The following FRYL variants were observed in gnomAD, a reference collection of about 807,000 sequenced individuals.
The protein encoded by FRYL is FRY like transcription coactivator, also known as protein furry homolog-like.
Under a neutral mutation model 351.2 loss-of-function variants are expected in FRYL, and 150 were observed. The ratio of observed to expected loss-of-function variants is 0.43; its 90% confidence interval spans 0.37 to 0.49. The LOEUF is 0.49. FRYL is among the 20% of genes least tolerant of loss of function. The pLI is 0.00. For synonymous variants in FRYL, 1,153 were observed against 1,257.1 expected (o/e 0.92, Z 1.75); for missense variants, 3,036 against 3,619.3 (o/e 0.84, Z 4.13).
chr4:48,737,054 C>T (rs1280326076), intron 1 of FRYL, among the ~76,000 whole-genome samples: 2 of 151,264 alleles, frequency 1.3e-5, no homozygotes, highest in African/African-American at 2.4e-5. Context: ...CTGAGGCAGG[C>T]GGATCATCTG....
chr4:48,581,577 G>T lies in FRYL; in HGVS notation c.2015C>A (p.Pro672His), dbSNP rs1472648074. ...QHGVANGASH[P>H]PPLERSPYSN... ...ATATGGGCTCCTTTCCAGAGGAGGG[G>T]GATGAGAAGCTCCATTAGCTACACC... is the stretch of plus-strand genomic sequence containing the variant. Residue 672 changes from proline to histidine, a missense_variant, in exon 21 of 64, where the codon CCC (proline) becomes CAC (histidine). Coordinates refer to ENST00000358350, the MANE Select transcript of FRYL (RefSeq NM_015030.2). 22 of 1,609,604 alleles carry T rather than the reference G, an allele frequency of 1.4e-5. No homozygotes were observed. Among genetic ancestry groups the T allele is most frequent in the Non-Finnish European group, 1.9e-5 (22 of 1,178,106 alleles).
intron 45 of FRYL, among the ~76,000 whole-genome samples, chr4:48,541,461 G>A (rs1195341614): frequency 6.6e-6 from 1 of 152,144 alleles, no homozygotes; most frequent in East Asian, 1.9e-4. Context: ...AGGAATATTA[G>A]ACAAGTCTTT....
intron 55 of FRYL, among the ~76,000 whole-genome samples, chr4:48,516,443 T>C (rs1723624783): frequency 6.6e-6 from 1 of 152,218 alleles, no homozygotes; most frequent in East Asian, 1.9e-4. Context: ...ATTGGTTTAA[T>C]CAATTTGAAA....
At chr4:48,523,164 G>A in intron 53 of FRYL, 60 bp from the exon 54 acceptor site, 1 of 1,128,716 alleles carries the variant, frequency 8.9e-7, no homozygotes, top group Admixed American at 2.0e-5. Flanking sequence ...TGTACTAAAT[G>A]TAATATACCA....
intron 1 of FRYL, among the ~76,000 whole-genome samples, chr4:48,731,277 A>G (rs932134429): frequency 6.6e-6 from 1 of 152,228 alleles, no homozygotes; most frequent in Non-Finnish European, 1.5e-5. Flanking sequence ...ATAATGGGAA[A>G]TAAGAGAGGA....
At chr4:48,620,547 A>C in intron 6 of FRYL, 92 bp downstream of exon 6, 1 of 1,312,156 alleles carries the variant, frequency 7.6e-7, no homozygotes, top group Non-Finnish European at 1.1e-6. Flanking sequence ...TTTGCTTAGG[A>C]ATCAAACAAT....
intron 2 of FRYL, among the ~76,000 whole-genome samples, chr4:48,701,212 A>T (rs1560878742): frequency 1.3e-5 from 2 of 152,202 alleles, no homozygotes; most frequent in Admixed American, 1.3e-4. Flanking sequence ...CAACTCTTTT[A>T]TTGCATCAAT....
intron 1 of FRYL, among the ~76,000 whole-genome samples, chr4:48,742,561 G>A (rs1772213016): frequency 6.6e-6 from 1 of 152,034 alleles, no homozygotes; most frequent in Admixed American, 6.6e-5. Flanking sequence ...GATTGATATT[G>A]TCAGTTATTC....
intron 63 of FRYL, 30 bp from the exon 64 acceptor site, chr4:48,499,710 G>A (rs1049280179): frequency 6.2e-7 from 1 of 1,605,290 alleles, no homozygotes; most frequent in Admixed American, 1.7e-5. Flanking sequence ...TTTCAGTTCT[G>A]AGACTTAGGC....
At chr4:48,617,347 A>AT (rs1242773128) in intron 7 of FRYL, among the ~76,000 whole-genome samples, 375 of 138,034 alleles carry the variant, frequency 2.7e-3, no homozygotes, top group Middle Eastern at 3.5e-3. Context: ...AAAAAAAAAG[A>AT]TTTTTTTTTT....
intron 1 of FRYL, among the ~76,000 whole-genome samples, chr4:48,748,048 C>A (rs1399927665): frequency 2.0e-5 from 3 of 152,102 alleles, no homozygotes; most frequent in Non-Finnish European, 4.4e-5. Context: ...GAGCTTGAGA[C>A]CAGCCTGGCC....
chr4:48,732,754 C>T (rs1770865253), intron 1 of FRYL, among the ~76,000 whole-genome samples: 1 of 130,472 alleles, frequency 7.7e-6, no homozygotes, highest in Non-Finnish European at 1.6e-5. Context: ...GGGAGGGGAA[C>T]ATCATACACT....
chr4:48,734,571 T>C (rs1385597528), intron 1 of FRYL, among the ~76,000 whole-genome samples: 2 of 152,196 alleles, frequency 1.3e-5, no homozygotes, highest in African/African-American at 2.4e-5. Flanking sequence ...CTAACATCTA[T>C]AGACTAATTC....
intron 1 of FRYL, among the ~76,000 whole-genome samples, chr4:48,733,798 CACTTAAAAGTAACACTATACCACTAACA>C (rs1458766727): frequency 1.3e-5 from 2 of 151,984 alleles, no homozygotes; most frequent in Admixed American, 6.6e-5. Context: ...CTCAAGCAAC[CACTTAAAAGTAACACTATACCACTAACA>C]ACTTAAAAGT....
intron 3 of FRYL, among the ~76,000 whole-genome samples, chr4:48,664,489 A>C (rs1024975477): frequency 1.3e-5 from 2 of 152,246 alleles, no homozygotes; most frequent in African/African-American, 4.8e-5. Flanking sequence ...GAAAAACATA[A>C]GTAAAGTTAA....
chr4:48,561,704 T>A, intron 32 of FRYL, 68 bp from the exon 33 acceptor site: 1 of 1,249,004 alleles, frequency 8.0e-7, no homozygotes, highest in African/African-American at 1.5e-5. Flanking sequence ...AACTATAATT[T>A]TATAATTTTT....
At chr4:48,595,825 A>G in intron 14 of FRYL, 72 bp downstream of exon 14, 1 of 1,160,030 alleles carries the variant, frequency 8.6e-7, no homozygotes, top group Non-Finnish European at 1.2e-6. Context: ...AATGTTTACT[A>G]AAATTCCCAA....
intron 1 of FRYL, among the ~76,000 whole-genome samples, chr4:48,745,159 T>G (rs917901294): frequency 1.3e-5 from 2 of 152,212 alleles, no homozygotes; most frequent in African/African-American, 4.8e-5. Context: ...TTGGTGGGAC[T>G]GTAAACTAGC....
rs140158405 is a variant in FRYL, at chr4:48,515,979, A to G, written c.7690-704T>C. Among the ~76,000 whole-genome samples the G allele has an allele frequency of 2.9e-3, 440 of 152,196 alleles. 1 individual carries two copies. Among genetic ancestry groups the G allele is most frequent in the African/African-American group, 0.01 (416 of 41,538 alleles). On this transcript the variant is annotated intron_variant, in intron 55 of 63. Transcript: ENST00000358350. The stretch of plus-strand genomic sequence containing the variant: ...GGATATAAGTAGGAGAGATGACTCA[A>G]AATAATTAACCCACTCGTCCTGTGG...
Sources: allele counts gnomAD v4.1 joint callset (sites outside exome capture counted in the v4.1 genomes callset), GRCh38; gene constraint gnomAD v4.1.1; transcripts MANE v1.5; gene names NCBI Gene and HGNC (gene_info 2026-07-23, HGNC 2026-07-21).